SLC30A10: variants seen among roughly 807,000 people sequenced by gnomAD.
The protein encoded by SLC30A10 is calcium/manganese antiporter SLC30A10.
In SLC30A10, 8 loss-of-function variants were observed where a neutral mutation model predicts 21.7. That is an observed-to-expected ratio of 0.37 (90% CI 0.22 to 0.67). SLC30A10 has a LOEUF of 0.67. SLC30A10 is among the 30% of genes least tolerant of loss of function. The pLI, the probability that SLC30A10 is intolerant of heterozygous loss-of-function variation, is 0.58. For synonymous variants in SLC30A10, 272 were observed against 279.4 expected (o/e 0.97, Z 0.26); for missense variants, 521 against 642.5 (o/e 0.81, Z 2.04).
At position 219,911,156 on chromosome 1, in the gene SLC30A10, T is replaced by TTTTGTTTTTTG. The variant is rs1223440092; in HGVS notation, c.*4292_*4293insCAAAAAACAAA. On this transcript the variant is annotated 3_prime_UTR_variant, in exon 4 of 4. Transcript: ENST00000366926. Reference sequence around the variant, plus strand: ...TTCATTTTTTCTACATCAGTTTTTTTTTTTTTTTTTTTTTTTTTGCAGTCT... The same window carrying TTTTGTTTTTTG: ...TTCATTTTTTCTACATCAGTTTTTTTTTTGTTTTTTGTTTTTTTTTTTTTTTTTTGCAGTCT... 2.3e-4 allele frequency among the ~76,000 whole-genome samples: 25 copies of TTTTGTTTTTTG among 107,644 alleles called. No homozygotes were observed. Among genetic ancestry groups the TTTTGTTTTTTG allele is most frequent in the Admixed American group, 1.4e-3 (14 of 9,998 alleles). The allele number at this position is 107,644 out of a possible 152,430, so 70.6% of individuals were successfully genotyped here. A position where few individuals can be genotyped will look rare whatever the true frequency, so the allele number is the denominator to read the frequency against.
chr1:219,929,397 C>CCT (rs1188382389), upstream of SLC30A10, among the ~76,000 whole-genome samples: 3 of 152,174 alleles, frequency 2.0e-5, no homozygotes, highest in Non-Finnish European at 4.4e-5. Context: ...GGGCTGACCT[C>CCT]CTCTGTGTAC....
In SLC30A10 at chr1:219,927,928, C is replaced by A. The variant is rs1176413148; in HGVS notation, c.513G>T (p.Gln171His). 6 of 1,538,168 alleles carry A rather than the reference C, an allele frequency of 3.9e-6. No individual in the cohort carries two copies. Among genetic ancestry groups the A allele is most frequent in the Admixed American group, 2.0e-5 (1 of 49,954 alleles). ...CCGCGCGCCGCGGGTCCTCCGCGCC[C>A]TGAGGCCCCCCGAAAGCGCCGGGGA... ...GCVPGAFGGP[Q>H]GAEDPRRAAD... Residue 171 changes from glutamine to histidine, a missense_variant, in exon 1 of 4, where the codon CAG (glutamine) becomes CAT (histidine). Coordinates refer to ENST00000366926, the MANE Select transcript of SLC30A10 (RefSeq NM_018713.3).
chr1:219,954,700 A>G (rs1418323125), intron 1 of SLC30A10, among the ~76,000 whole-genome samples: 2 of 151,862 alleles, frequency 1.3e-5, no homozygotes, highest in Non-Finnish European at 2.9e-5. Context: ...AAAAAAAAAA[A>G]AAAACTTAAA....
Position 219,927,973 on chromosome 1 carries a change from C to T in SLC30A10, c.468G>A (p.Gln156=), listed in dbSNP as rs994604724. 6.5e-7 allele frequency: 1 copy of T among 1,548,184 alleles called. No individual in the cohort carries two copies. The highest frequency in any genetic ancestry group is 8.7e-7 in the Non-Finnish European group (1 of 1,146,652). ...RGRSRRLQQR[Q]QLAEGCVPGA... is the part of the protein sequence containing the mutation. ...CGGGGACACAGCCCTCCGCCAGCTG[C>T]TGCCGCTGCTGCAGGCGGCGACTGC... is the stretch of plus-strand genomic sequence containing the variant. The change falls in exon 1 of 4, where the codon CAG becomes CAA. Residue 156 remains glutamine (Q), a synonymous_variant. Transcript: ENST00000366926.
chr1:219,927,638 T>TAAAAAAAAA (rs77015523), intron 1 of SLC30A10, among the ~76,000 whole-genome samples, 163 bp downstream of exon 1: 9 of 53,422 alleles, frequency 1.7e-4, no homozygotes, highest in Non-Finnish European at 2.2e-4. Context: ...ATGGATTTAT[T>TAAAAAAAAA]AAAAAAAAAA....
intron 1 of SLC30A10, among the ~76,000 whole-genome samples, chr1:219,940,339 G>T (rs537666214): frequency 6.6e-5 from 10 of 152,266 alleles, no homozygotes; most frequent in African/African-American, 2.4e-4. Flanking sequence ...GCCTTCAAGT[G>T]ACTGCAGCCT....
upstream of SLC30A10, among the ~76,000 whole-genome samples, chr1:219,929,773 C>G (rs941705759): frequency 6.6e-6 from 1 of 152,210 alleles, no homozygotes; most frequent in Non-Finnish European, 1.5e-5. Context: ...CTGCCCACCT[C>G]AGCCTCCCAA....
At position 219,911,149 on chromosome 1, in the gene SLC30A10, G is replaced by GTTTTTTTTTTTTTTTTTTTT; in HGVS notation, c.*4280_*4299dup. Reference sequence around the variant, plus strand: ...ATGTTTCTTCATTTTTTCTACATCAGTTTTTTTTTTTTTTTTTTTTTTTTT... The same window carrying GTTTTTTTTTTTTTTTTTTTT: ...ATGTTTCTTCATTTTTTCTACATCAGTTTTTTTTTTTTTTTTTTTTTTTTTTTTTTTTTTTTTTTTTTTTT... On this transcript the variant is annotated 3_prime_UTR_variant, in exon 4 of 4. Coordinates refer to ENST00000366926, the MANE Select transcript of SLC30A10 (RefSeq NM_018713.3). Among the ~76,000 whole-genome samples the GTTTTTTTTTTTTTTTTTTTT allele has an allele frequency of 1.2e-4, 6 of 49,396 alleles. 1 individual carries two copies. Among genetic ancestry groups the GTTTTTTTTTTTTTTTTTTTT allele is most frequent in the Non-Finnish European group, 2.7e-4 (6 of 22,434 alleles). 32.4% of individuals were successfully genotyped at this position (49,396 alleles called of 152,430 possible).
At chr1:219,942,560 G>A (rs1660136128) in intron 1 of SLC30A10, among the ~76,000 whole-genome samples, 1 of 152,208 alleles carries the variant, frequency 6.6e-6, no homozygotes, top group African/African-American at 2.4e-5. Context: ...ATGTGGTAAT[G>A]CAGTCTAAAG....
rs570840188 is a variant in SLC30A10 at position 219,923,484 on chromosome 1, G to A, written c.718+3544C>T. Among the ~76,000 whole-genome samples the A allele has an allele frequency of 3.9e-5, 6 of 152,272 alleles. No individual in the cohort carries two copies. In the South Asian group the frequency reaches 1.2e-3, roughly 32 times the overall value. ...TGACTGGAAATAGTGCATTTGCACT[G>A]GGCAAATGGTAATGAAAAACTGAGA... On this transcript the variant is annotated intron_variant, in intron 2 of 3. Coordinates refer to ENST00000366926, the MANE Select transcript of SLC30A10 (RefSeq NM_018713.3).
At chr1:219,923,165 A>G (rs1327936507) in intron 2 of SLC30A10, among the ~76,000 whole-genome samples, 1 of 152,196 alleles carries the variant, frequency 6.6e-6, no homozygotes, top group Admixed American at 6.5e-5. Flanking sequence ...CAAGGCTTTG[A>G]GCAGACTCCG....
rs191669249 is a variant in SLC30A10 at position 219,925,057 on chromosome 1, G to C, written c.718+1971C>G. ...TCCCTGTAAACCAAAGGCCCAGCCA[G>C]GTATAGCAAGGCATTCTACTACTGA... On this transcript the variant is annotated intron_variant, in intron 2 of 3. Transcript: ENST00000366926. Among the ~76,000 whole-genome samples the C allele has an allele frequency of 1.4e-4, 22 of 152,270 alleles. No individual in the cohort carries two copies. In the East Asian group the frequency reaches 4.2e-3, roughly 29 times the overall value.
intron 1 of SLC30A10, among the ~76,000 whole-genome samples, chr1:219,936,939 A>T (rs1480459946): frequency 1.3e-5 from 2 of 152,146 alleles, no homozygotes; most frequent in African/African-American, 4.8e-5. Context: ...ATGCTCACCA[A>T]CAGTCTTTTC....
intron 1 of SLC30A10, among the ~76,000 whole-genome samples, chr1:219,949,650 A>G (rs1215152728): frequency 6.6e-6 from 1 of 152,146 alleles, no homozygotes; most frequent in Non-Finnish European, 1.5e-5. Flanking sequence ...ACCTAATGCT[A>G]GATGACGAGT....
At chr1:219,949,468 G>T (rs1263335765) in intron 1 of SLC30A10, among the ~76,000 whole-genome samples, 2 of 152,128 alleles carry the variant, frequency 1.3e-5, no homozygotes, top group Non-Finnish European at 2.9e-5. Flanking sequence ...GGACATGAAT[G>T]AAATTGGAAA....
Position 219,915,424 on chromosome 1 carries a change from A to G in SLC30A10, c.*25T>C, listed in dbSNP as rs1659508967. The G allele has an allele frequency of 2.5e-6, 4 of 1,598,286 alleles. No homozygotes were observed. Among genetic ancestry groups the G allele is most frequent in the Admixed American group, 1.7e-5 (1 of 59,082 alleles). ...TGTGGTTCCAAAGTGCCTCGTCTAT[A>G]TGGTCTGATTATGTGAGTACCAGAT... On this transcript the variant is annotated 3_prime_UTR_variant, in exon 4 of 4. Coordinates refer to ENST00000366926, the MANE Select transcript of SLC30A10 (RefSeq NM_018713.3).
chr1:219,941,823 A>G (rs983883376), intron 1 of SLC30A10, among the ~76,000 whole-genome samples: 2 of 152,168 alleles, frequency 1.3e-5, no homozygotes, highest in African/African-American at 4.8e-5. Flanking sequence ...CTCTGCAAGC[A>G]AGCAAGAATG....
At chr1:219,923,759 T>C (rs1398773254) in intron 2 of SLC30A10, among the ~76,000 whole-genome samples, 2 of 152,174 alleles carry the variant, frequency 1.3e-5, no homozygotes, top group Non-Finnish European at 2.9e-5. Flanking sequence ...CAGAGTGTGT[T>C]CCTTAGAACT....
In SLC30A10 at chr1:219,915,684, C is replaced by A; in HGVS notation, c.1223G>T (p.Gly408Val). The A allele has an allele frequency of 4.3e-6, 7 of 1,614,232 alleles. No homozygotes were observed. Among genetic ancestry groups the A allele is most frequent in the Non-Finnish European group, 5.9e-6 (7 of 1,180,046 alleles). The change falls in exon 4 of 4, where the codon GGC (glycine) becomes GTC (valine). Residue 408 changes from glycine to valine, a missense_variant. Physicochemically the swap from Gly to Val is moderately radical, Grantham distance 109. Coordinates refer to ENST00000366926, the MANE Select transcript of SLC30A10 (RefSeq NM_018713.3). ...GGGACAACACAGCTGCTTAGCACAG[C>A]CCTTGGAGATGCAGGGTGAGTTGCA... Reference protein sequence around the residue: ...LLCNSPCISKGCAKQLCCPPG... With the variant: ...LLCNSPCISKVCAKQLCCPPG...
Sources: allele counts gnomAD v4.1 joint callset (sites outside exome capture counted in the v4.1 genomes callset), GRCh38; gene constraint gnomAD v4.1.1; transcripts MANE v1.5; gene names NCBI Gene and HGNC (gene_info 2026-07-23, HGNC 2026-07-21).